ARID5B: variants seen among roughly 807,000 people sequenced by gnomAD.
The protein encoded by ARID5B is AT-rich interactive domain-containing protein 5B.
ARID5B carries 13 observed loss-of-function variants against 97.2 expected under a neutral mutation model. The ratio of observed to expected loss-of-function variants is 0.13; its 90% CI spans 0.09 to 0.21. ARID5B has a LOEUF of 0.21. Among genes scored for constraint, ARID5B ranks in the 10% least tolerant of loss-of-function variants. The pLI, the probability that ARID5B is intolerant of heterozygous loss-of-function variation, is 1.00. For missense variants in ARID5B, 1,210 were observed against 1,465.3 expected, an observed-to-expected ratio of 0.83 and a Z score of 2.84; for synonymous variants, 556 against 570.3, an observed-to-expected ratio of 0.97 and a Z score of 0.36.
chr10:61,912,306 A>G (rs1049982427), intron 2 of ARID5B, among the ~76,000 whole-genome samples: 2 of 152,158 alleles, frequency 1.3e-5, no homozygotes, highest in African/African-American at 2.4e-5. Flanking sequence ...TAGTTATAAG[A>G]TATTCATCAT....
intron 3 of ARID5B, among the ~76,000 whole-genome samples, chr10:61,959,784 G>A (rs1236581290): frequency 6.6e-6 from 1 of 152,160 alleles, no homozygotes; most frequent in East Asian, 1.9e-4. Flanking sequence ...AATAGTTCAT[G>A]CACGTGTGAT....
At chr10:61,914,270 C>T (rs1589216564) in intron 2 of ARID5B, among the ~76,000 whole-genome samples, 1 of 152,216 alleles carries the variant, frequency 6.6e-6, no homozygotes, top group South Asian at 2.1e-4. Context: ...ACATCTGATA[C>T]TCATGGATGG....
chr10:61,937,370 C>T (rs925713846), intron 2 of ARID5B, among the ~76,000 whole-genome samples: 1 of 152,132 alleles, frequency 6.6e-6, no homozygotes, highest in Admixed American at 6.5e-5. Context: ...TGGTTTGTGA[C>T]TTCTTGACTG....
intron 7 of ARID5B, among the ~76,000 whole-genome samples, chr10:62,062,271 T>G (rs1236582160): frequency 6.6e-6 from 1 of 152,182 alleles, no homozygotes; most frequent in African/African-American, 2.4e-5. Flanking sequence ...GAGTGTAGAC[T>G]TGTAGTCATT....
intron 8 of ARID5B, among the ~76,000 whole-genome samples, chr10:62,081,998 CT>C (rs879567122): frequency 5.7e-4 from 82 of 144,092 alleles, no homozygotes; most frequent in Admixed American, 6.2e-4. Context: ...GATTTTAAGT[CT>C]TTTTTTTTTT....
At chr10:62,016,056 G>A (rs1437267583) in intron 4 of ARID5B, among the ~76,000 whole-genome samples, 1 of 152,178 alleles carries the variant, frequency 6.6e-6, no homozygotes, top group Non-Finnish European at 1.5e-5. Context: ...TCAGCATTGC[G>A]GCTAAGGTTC....
At chr10:61,940,143 T>C (rs757159123) in intron 2 of ARID5B, 40 bp from the exon 3 acceptor site, 11 of 1,596,244 alleles carry the variant, frequency 6.9e-6, no homozygotes, top group Non-Finnish European at 9.5e-6. Flanking sequence ...CTCAAACCTA[T>C]AAATAACGTT....
At chr10:62,002,238 C>T (rs1478856080) in intron 4 of ARID5B, among the ~76,000 whole-genome samples, 2 of 152,164 alleles carry the variant, frequency 1.3e-5, no homozygotes, top group Admixed American at 6.6e-5. Flanking sequence ...AATTTAACAG[C>T]GATCACAATG....
At chr10:62,087,320 G>GAAAAAAAAAAAAA (rs1589292422) in intron 9 of ARID5B, among the ~76,000 whole-genome samples, 8 of 76,010 alleles carry the variant, frequency 1.1e-4, no homozygotes, top group South Asian at 4.7e-4. Context: ...AAAAAAAAAG[G>GAAAAAAAAAAAAA]AAAAAAGATC....
Position 62,092,883 on chromosome 10 carries a change from G to A in ARID5B, c.3420G>A (p.Leu1140=). 2 of 1,614,214 alleles carry A rather than the reference G, an allele frequency of 1.2e-6. No individual in the cohort carries two copies. The highest frequency in any genetic ancestry group is 1.7e-6 in the Non-Finnish European group (2 of 1,180,042). ...IFTSPTNSQQ[L]YRHLAAATPV... ...CATCACCGACAAATTCTCAGCAGCT[G>A]TACAGACACTTGGCTGCGGCTACAC... The change falls in exon 10 of 10, where the codon CTG becomes CTA. Residue 1140 remains leucine (L), a synonymous_variant. Transcript: ENST00000279873.
At chr10:62,060,486 C>G (rs947739676) in intron 7 of ARID5B, among the ~76,000 whole-genome samples, 1 of 152,086 alleles carries the variant, frequency 6.6e-6, no homozygotes, top group African/African-American at 2.4e-5. Context: ...ATTTCATATT[C>G]ATAAATTTAC....
At chr10:61,904,935 A>G (rs951001522) in intron 2 of ARID5B, among the ~76,000 whole-genome samples, 2 of 152,236 alleles carry the variant, frequency 1.3e-5, no homozygotes, top group African/African-American at 4.8e-5. Context: ...CATTAGCAGA[A>G]TAGCAGCAGC....
intron 3 of ARID5B, among the ~76,000 whole-genome samples, chr10:61,992,032 CAA>C (rs372912200): frequency 2.2e-5 from 3 of 135,300 alleles, no homozygotes; most frequent in African/African-American, 2.7e-5. Context: ...AACTCTGTCT[CAA>C]AAAAAAAAAA....
chr10:61,945,276 A>G (rs1844481781), intron 3 of ARID5B, among the ~76,000 whole-genome samples: 1 of 151,756 alleles, frequency 6.6e-6, no homozygotes, highest in African/African-American at 2.4e-5. Context: ...TTTGTTTTTT[A>G]TTTTTTTCAG....
intron 3 of ARID5B, among the ~76,000 whole-genome samples, chr10:61,988,022 T>A (rs1328498357): frequency 6.6e-6 from 1 of 152,202 alleles, no homozygotes; most frequent in African/African-American, 2.4e-5. Context: ...ACTAGAGCCA[T>A]CCTCCTCCTG....
intron 4 of ARID5B, among the ~76,000 whole-genome samples, chr10:62,048,869 G>C (rs187879061): frequency 4.5e-4 from 68 of 152,344 alleles, no homozygotes; most frequent in African/African-American, 1.6e-3. Context: ...TCTTAGAACA[G>C]AGGGGATATT....
rs535305524 is a variant in ARID5B, at chr10:62,096,694, A to G, written c.*3664A>G. On this transcript the variant is annotated 3_prime_UTR_variant, in exon 10 of 10. Coordinates refer to ENST00000279873, the MANE Select transcript of ARID5B (RefSeq NM_032199.3). ...AAGGTGATTATTTGTATATAGCAAC[A>G]TGGCCCAGTGATATTATATAGTTTC... 4.6e-4 allele frequency: 108 copies of G among 233,588 alleles called. No homozygotes were observed. Among genetic ancestry groups the G allele is most frequent in the African/African-American group, 2.2e-3 (102 of 45,460 alleles). The allele number at this position is 233,588 out of a possible 1,614,324, so 14.5% of individuals were successfully genotyped here. A position where few individuals can be genotyped will look rare whatever the true frequency, so the allele number is the denominator to read the frequency against.
chr10:62,045,276 C>G (rs1323462396), intron 4 of ARID5B, among the ~76,000 whole-genome samples: 1 of 152,040 alleles, frequency 6.6e-6, no homozygotes, highest in Non-Finnish European at 1.5e-5. Context: ...TTTACTCATA[C>G]GTTAATAACT....
At chr10:61,972,203 G>C (rs1170485059) in intron 3 of ARID5B, among the ~76,000 whole-genome samples, 2 of 143,256 alleles carry the variant, frequency 1.4e-5, no homozygotes, top group African/African-American at 5.1e-5. Flanking sequence ...ACATTATACT[G>C]TATCTCTAGT....
Sources: gnomAD v4.1 joint callset for allele counts (sites outside exome capture counted in the v4.1 genomes callset) on GRCh38, gnomAD v4.1.1 for gene constraint, MANE v1.5 for transcripts, NCBI Gene and HGNC (gene_info 2026-07-23, HGNC 2026-07-21) for gene names.